Variants in FBN1 observed in about 807,000 individuals in gnomAD.
The protein encoded by FBN1 is fibrillin-1.
FBN1 carries 29 observed loss-of-function variants against 365.1 expected under a neutral mutation model. The observed-to-expected ratio is 0.08, with a 90% CI of 0.06 to 0.11. The LOEUF is 0.11. Ranked by LOEUF, FBN1 falls within the 10% of genes least tolerant of loss-of-function variation. The pLI is 1.00. For synonymous variants in FBN1, 1,210 were observed against 1,270.5 expected (o/e 0.95, Z 1.01); for missense variants, 2,476 against 3,703.2 (o/e 0.67, Z 8.60).
intron 34 of FBN1, 24 bp downstream of exon 34, chr15:48,474,231 C>T (rs373738703): frequency 3.0e-5 from 48 of 1,613,844 alleles, no homozygotes; most frequent in East Asian, 2.0e-4. Flanking sequence ...AGTGTTGACA[C>T]AGTTGTTTCC....
chr15:48,421,400 T>C (rs1172976115), intron 62 of FBN1, among the ~76,000 whole-genome samples, 158 bp downstream of exon 62: 1 of 152,176 alleles, frequency 6.6e-6, no homozygotes, highest in African/African-American at 2.4e-5. Flanking sequence ...AAAACACGAC[T>C]CTCTAAGATA....
At position 48,516,213 on chromosome 15, in the gene FBN1, C is replaced by T; in HGVS notation, c.1297G>A (p.Glu433Lys). 6.2e-7 allele frequency: 1 copy of T among 1,613,786 alleles called. No individual in the cohort carries two copies. The highest frequency in any genetic ancestry group is 8.5e-7 in the Non-Finnish European group (1 of 1,179,890). Residue 433 changes from glutamate to lysine, a missense_variant, in exon 11 of 66, where the codon GAA (glutamate) becomes AAA (lysine). Glu to Lys is a moderately conservative substitution (Grantham distance 56, BLOSUM62 1). This residue lies in a region of FBN1 where 421 missense variants were observed against 520.1 expected (regional missense o/e 0.81). Transcript: ENST00000316623. ...GGCTCCCGAGATGGATACAGATATT[C>T]CACTGGTGGTCGAGGGACCGGAATT... ...PQIPVPRPPV[E>K]YLYPSREPPR...
chr15:48,512,401 G>C (rs1468058155), intron 13 of FBN1, among the ~76,000 whole-genome samples: 1 of 152,174 alleles, frequency 6.6e-6, no homozygotes. Context: ...ATGGGGGTTT[G>C]TTGTACAGAT....
intron 23 of FBN1, among the ~76,000 whole-genome samples, chr15:48,493,931 T>C (rs1216802403): frequency 1.3e-5 from 2 of 152,242 alleles, no homozygotes; most frequent in Admixed American, 6.5e-5. Context: ...CTCTTCCTGA[T>C]AGCATTTTGA....
At chr15:48,582,950 C>T (rs1474618429) in intron 6 of FBN1, among the ~76,000 whole-genome samples, 1 of 152,146 alleles carries the variant, frequency 6.6e-6, no homozygotes, top group Non-Finnish European at 1.5e-5. Context: ...TGGGAAGAGT[C>T]TCATGGTCAG....
At chr15:48,621,079 A>G (rs1038259162) in intron 2 of FBN1, among the ~76,000 whole-genome samples, 3 of 152,256 alleles carry the variant, frequency 2.0e-5, no homozygotes, top group African/African-American at 7.2e-5. Context: ...CCAAGTAAAA[A>G]ATAAATATCC....
chr15:48,566,547 GT>G (rs1291774419), intron 6 of FBN1, among the ~76,000 whole-genome samples: 3 of 152,144 alleles, frequency 2.0e-5, no homozygotes, highest in African/African-American at 7.2e-5. Context: ...AGTAAAGCAT[GT>G]TTACTGTTAC....
chr15:48,562,694 C>T (rs2044232020), intron 6 of FBN1, among the ~76,000 whole-genome samples: 2 of 152,330 alleles, frequency 1.3e-5, no homozygotes, highest in South Asian at 2.1e-4. Flanking sequence ...AGCATGCCAA[C>T]TTGCTCGCTG....
intron 6 of FBN1, among the ~76,000 whole-genome samples, chr15:48,541,301 G>T (rs1347438689): frequency 6.6e-6 from 1 of 152,076 alleles, no homozygotes; most frequent in East Asian, 1.9e-4. Context: ...TAGAAACTAT[G>T]GACTTAGTAC....
intron 45 of FBN1, among the ~76,000 whole-genome samples, chr15:48,450,295 G>A (rs1475279219): frequency 6.6e-6 from 1 of 152,122 alleles, no homozygotes; most frequent in Non-Finnish European, 1.5e-5. Context: ...AGTTCCACAA[G>A]GAAATGGAGA....
At chr15:48,482,337 G>C (rs866818558) in intron 31 of FBN1, among the ~76,000 whole-genome samples, 4 of 152,068 alleles carry the variant, frequency 2.6e-5, no homozygotes, top group Admixed American at 6.5e-5. Flanking sequence ...CCAGACTCTT[G>C]CTTCTGGCCA....
chr15:48,493,607 G>T (rs950874165), intron 23 of FBN1, among the ~76,000 whole-genome samples: 1 of 152,202 alleles, frequency 6.6e-6, no homozygotes, highest in African/African-American at 2.4e-5. Flanking sequence ...TTGGGTGGGG[G>T]TTGTAGTGTG....
At chr15:48,638,426 C>T (rs1394121109) in intron 2 of FBN1, among the ~76,000 whole-genome samples, 1 of 152,152 alleles carries the variant, frequency 6.6e-6, no homozygotes, top group Non-Finnish European at 1.5e-5. Flanking sequence ...AGATTAAGAG[C>T]TCCAGCTATG....
intron 56 of FBN1, among the ~76,000 whole-genome samples, chr15:48,430,102 C>T (rs998582867): frequency 6.6e-6 from 1 of 152,192 alleles, no homozygotes; most frequent in African/African-American, 2.4e-5. Flanking sequence ...TAAAAACACA[C>T]AGTGGGCTGG....
intron 6 of FBN1, among the ~76,000 whole-genome samples, chr15:48,542,829 G>GTGTGTGTGTGT (rs1233310995): frequency 7.8e-6 from 1 of 128,940 alleles, no homozygotes; most frequent in African/African-American, 2.6e-5. Context: ...GTGTGTGTGT[G>GTGTGTGTGTGT]TATTTTTTTT....
chr15:48,491,367 T>A (rs995443225), intron 24 of FBN1, among the ~76,000 whole-genome samples: 1 of 151,802 alleles, frequency 6.6e-6, no homozygotes, highest in Non-Finnish European at 1.5e-5. Flanking sequence ...TTTTTTTTTT[T>A]AGAGACGGAG....
At position 48,600,242 on chromosome 15, in the gene FBN1, A is replaced by G; in HGVS notation, c.347-8T>C. 6.2e-7 allele frequency: 1 copy of G among 1,610,886 alleles called. No homozygotes were observed. Among genetic ancestry groups the G allele is most frequent in the Non-Finnish European group, 8.5e-7 (1 of 1,177,262 alleles). ...GAATATTGCAGTGTTGTACTTGAAA[A>G]AAAAGAAGAAGAATTCACTTTTGCA... On this transcript the variant is annotated splice_polypyrimidine_tract_variant and splice_region_variant and intron_variant, in intron 4 of 65. Transcript: ENST00000316623.
chr15:48,494,968 ACTT>A (rs1566911499), intron 22 of FBN1, among the ~76,000 whole-genome samples, 152 bp downstream of exon 22: 1 of 152,204 alleles, frequency 6.6e-6, no homozygotes, highest in African/African-American at 2.4e-5. Context: ...AAAATTTGAC[ACTT>A]CTTATTTCCC....
intron 43 of FBN1, among the ~76,000 whole-genome samples, chr15:48,458,125 T>C (rs2043254905): frequency 6.6e-6 from 1 of 152,234 alleles, no homozygotes; most frequent in Non-Finnish European, 1.5e-5. Context: ...CTAGTTTCTA[T>C]GACTGTTGTT....
Sources: gnomAD v4.1 joint callset for allele counts (sites outside exome capture counted in the v4.1 genomes callset) on GRCh38, gnomAD v4.1.1 for gene constraint, gnomAD v4.1.1 regional missense constraint, MANE v1.5 for transcripts, NCBI Gene and HGNC (gene_info 2026-07-23, HGNC 2026-07-21) for gene names.